DCC: variants seen among roughly 807,000 people sequenced by gnomAD.
DCC encodes netrin receptor DCC.
A neutral mutation model predicts 172.5 loss-of-function variants in DCC; 58 were observed. The observed-to-expected ratio is 0.34, with a 90% CI of 0.27 to 0.42. The LOEUF is 0.42. DCC is among the 10% of genes least tolerant of loss of function. The pLI, the probability that DCC is intolerant of heterozygous loss-of-function variation, is 1.00. For missense variants in DCC, 1,740 were observed against 1,791.0 expected, an observed-to-expected ratio of 0.97 and a Z score of 0.51; for synonymous variants, 709 against 644.5, an observed-to-expected ratio of 1.10 and a Z score of -1.52.
rs57700623 is a variant in DCC, at chr18:53,093,811, A to G, written c.1261+27645A>G. Among the ~76,000 whole-genome samples, 165 of 152,256 alleles carry G rather than the reference A, an allele frequency of 1.1e-3. 1 individual carries two copies. Among genetic ancestry groups the G allele is most frequent in the African/African-American group, 3.9e-3 (161 of 41,540 alleles). Reference sequence around the variant, plus strand: ...GCGCAGACACTAAAGAGCTTCATCTATTAGGCATGACAGATTTGTATTCAG... The same window carrying G: ...GCGCAGACACTAAAGAGCTTCATCTGTTAGGCATGACAGATTTGTATTCAG... On this transcript the variant is annotated intron_variant, in intron 7 of 28. Coordinates refer to ENST00000442544, the MANE Select transcript of DCC (RefSeq NM_005215.4).
At chr18:52,558,999 T>C (rs2032977653) in intron 1 of DCC, among the ~76,000 whole-genome samples, 1 of 152,228 alleles carries the variant, frequency 6.6e-6, no homozygotes, top group Non-Finnish European at 1.5e-5. Flanking sequence ...GGATTAATTG[T>C]CTCGATTTCT....
At chr18:53,049,965 G>A (rs1339519642) in intron 5 of DCC, among the ~76,000 whole-genome samples, 4 of 152,116 alleles carry the variant, frequency 2.6e-5, no homozygotes, top group East Asian at 1.9e-4. Context: ...AACCTCAAAA[G>A]TAGGGAAACC....
intron 2 of DCC, among the ~76,000 whole-genome samples, chr18:52,814,228 C>T (rs1297690706): frequency 1.3e-5 from 2 of 152,202 alleles, no homozygotes; most frequent in Non-Finnish European, 2.9e-5. Flanking sequence ...CAAGGTCAAC[C>T]TCATCAGTGA....
intron 15 of DCC, among the ~76,000 whole-genome samples, chr18:53,361,363 A>G (rs1026798521): frequency 6.6e-6 from 1 of 152,166 alleles, no homozygotes; most frequent in East Asian, 1.9e-4. Context: ...CCAATCTCCT[A>G]AACATTGTTT....
chr18:53,530,208 T>C, intron 28 of DCC: 2 of 645,228 alleles, frequency 3.1e-6, no homozygotes, highest in Non-Finnish European at 5.6e-6. Flanking sequence ...ATGAAATAGA[T>C]GTCATTATCA....
chr18:52,500,752 AT>A (rs2030987171), intron 1 of DCC, among the ~76,000 whole-genome samples: 2 of 152,064 alleles, frequency 1.3e-5, no homozygotes, highest in African/African-American at 4.8e-5. Flanking sequence ...GTGTGAAATG[AT>A]TTTTGATTTT....
chr18:53,180,366 T>A (rs1389159805), intron 9 of DCC, among the ~76,000 whole-genome samples: 1 of 152,210 alleles, frequency 6.6e-6, no homozygotes, highest in Non-Finnish European at 1.5e-5. Context: ...CATAGTCATG[T>A]TGAGGTTCCA....
intron 1 of DCC, among the ~76,000 whole-genome samples, chr18:52,421,262 G>C (rs1987238502): frequency 6.6e-6 from 1 of 152,160 alleles, no homozygotes; most frequent in Admixed American, 6.5e-5. Flanking sequence ...CATGTAGACA[G>C]GTAGACCAGG....
chr18:53,111,875 C>A (rs2144257616), intron 7 of DCC, among the ~76,000 whole-genome samples: 1 of 151,736 alleles, frequency 6.6e-6, no homozygotes, highest in Admixed American at 6.6e-5. Context: ...TTGCAATTTG[C>A]AGTTTCAATT....
At chr18:53,183,870 GT>G (rs2055237902) in intron 9 of DCC, among the ~76,000 whole-genome samples, 1 of 151,984 alleles carries the variant, frequency 6.6e-6, no homozygotes, top group Non-Finnish European at 1.5e-5. Flanking sequence ...CCTAGAGCAA[GT>G]TTGTCAATCA....
chr18:53,498,878 T>G (rs577787551), intron 26 of DCC, among the ~76,000 whole-genome samples: 13 of 152,338 alleles, frequency 8.5e-5, no homozygotes, highest in African/African-American at 2.6e-4. Context: ...ACATGGCATG[T>G]TTAAATCACA....
intron 22 of DCC, among the ~76,000 whole-genome samples, chr18:53,449,565 G>T (rs2045380156): frequency 6.6e-6 from 1 of 152,148 alleles, no homozygotes; most frequent in Admixed American, 6.5e-5. Flanking sequence ...CAAAGGAATG[G>T]TGGTAAATTG....
chr18:53,220,901 A>G (rs1174033816), intron 12 of DCC, among the ~76,000 whole-genome samples: 1 of 152,112 alleles, frequency 6.6e-6, no homozygotes, highest in Non-Finnish European at 1.5e-5. Flanking sequence ...AAGGAAGGCA[A>G]TATTTCCTGG....
At chr18:53,501,564 T>TAAGAACCTTAACTATTCTATAGTA (rs1316256970) in intron 27 of DCC, among the ~76,000 whole-genome samples, 2 of 150,336 alleles carry the variant, frequency 1.3e-5, no homozygotes, top group Non-Finnish European at 3.0e-5. Flanking sequence ...TGAGGAAAGG[T>TAAGAACCTTAACTATTCTATAGTA]AAGAACCTTA....
intron 1 of DCC, among the ~76,000 whole-genome samples, chr18:52,364,628 G>A (rs1347901227): frequency 2.6e-5 from 4 of 152,128 alleles, no homozygotes; most frequent in African/African-American, 4.8e-5. Flanking sequence ...ATACCACCAA[G>A]GGCAGGTTCC....
At chr18:53,053,430 AT>A (rs1255966192) in intron 5 of DCC, among the ~76,000 whole-genome samples, 2 of 152,070 alleles carry the variant, frequency 1.3e-5, no homozygotes, top group African/African-American at 4.8e-5. Flanking sequence ...TTATGTGTCG[AT>A]GTATATACTA....
chr18:53,112,152 G>A (rs145700964), intron 7 of DCC, among the ~76,000 whole-genome samples: 7 of 151,358 alleles, frequency 4.6e-5, no homozygotes, highest in East Asian at 2.0e-4. Context: ...TTATATTTAG[G>A]AGATGTTATA....
intron 12 of DCC, among the ~76,000 whole-genome samples, chr18:53,261,676 T>G (rs929998589): frequency 6.6e-6 from 1 of 152,144 alleles, no homozygotes; most frequent in Non-Finnish European, 1.5e-5. Flanking sequence ...CATACCCGGC[T>G]AATTTTTTGT....
At chr18:52,726,346 T>C (rs987335418) in intron 1 of DCC, among the ~76,000 whole-genome samples, 4 of 152,170 alleles carry the variant, frequency 2.6e-5, no homozygotes, top group Non-Finnish European at 5.9e-5. Context: ...AATCTAGTGA[T>C]TCTTGCGTAG....
Sources: allele counts gnomAD v4.1 joint callset (sites outside exome capture counted in the v4.1 genomes callset), GRCh38; gene constraint gnomAD v4.1.1; transcripts MANE v1.5; gene names NCBI Gene and HGNC (gene_info 2026-07-23, HGNC 2026-07-21).